GRHL3: variants seen among roughly 807,000 people sequenced by gnomAD.
GRHL3 encodes the protein grainyhead-like protein 3 homolog.
In GRHL3, 20 loss-of-function variants were observed where a neutral mutation model predicts 70.3. The ratio of observed to expected loss-of-function variants is 0.28; its 90% CI spans 0.20 to 0.41. GRHL3 has a LOEUF of 0.41. Ranked by LOEUF, GRHL3 falls within the 10% of genes least tolerant of loss-of-function variation. GRHL3 has a pLI of 1.00. For synonymous variants in GRHL3, 299 were observed against 299.9 expected, an observed-to-expected ratio of 1.00 and a Z score of 0.03; for missense variants, 637 against 762.3, an observed-to-expected ratio of 0.84 and a Z score of 1.94.
chr1:24,325,126 A>G (rs1372904648), intron 1 of GRHL3, among the ~76,000 whole-genome samples: 1 of 152,204 alleles, frequency 6.6e-6, no homozygotes, highest in Non-Finnish European at 1.5e-5. Flanking sequence ...TGGGTGGCTC[A>G]TGGCAGGATT....
At chr1:24,351,710 C>G (rs920030359) in intron 15 of GRHL3, among the ~76,000 whole-genome samples, 1 of 152,126 alleles carries the variant, frequency 6.6e-6, no homozygotes, top group African/African-American at 2.4e-5. Flanking sequence ...TTCCCCAGCC[C>G]CACTGGCTGA....
chr1:24,339,826 G>A (rs1639970786), intron 8 of GRHL3, 64 bp downstream of exon 8: 1 of 1,080,640 alleles, frequency 9.3e-7, no homozygotes, highest in African/African-American at 1.6e-5. Flanking sequence ...TTCTGGGGTA[G>A]AGGCTTTCTT....
At chr1:24,331,837 C>T (rs1639627844) in intron 2 of GRHL3, among the ~76,000 whole-genome samples, 1 of 152,210 alleles carries the variant, frequency 6.6e-6, no homozygotes, top group Non-Finnish European at 1.5e-5. Context: ...GGAGAGGAGG[C>T]TTTCTTGTCT....
chr1:24,356,197 C>T (rs776732344), downstream of GRHL3, among the ~76,000 whole-genome samples: 6 of 151,090 alleles, frequency 4.0e-5, no homozygotes, highest in Non-Finnish European at 8.9e-5. Flanking sequence ...CTGCACCTGG[C>T]CAGTTTTTGT....
At chr1:24,324,906 G>A (rs531457938) in intron 1 of GRHL3, among the ~76,000 whole-genome samples, 6 of 152,226 alleles carry the variant, frequency 3.9e-5, no homozygotes, top group African/African-American at 1.4e-4. Context: ...CCCCAAATGA[G>A]CCCCCAGCCC....
intron 14 of GRHL3, among the ~76,000 whole-genome samples, chr1:24,348,257 G>A (rs997559430): frequency 6.6e-6 from 1 of 152,184 alleles, no homozygotes; most frequent in African/African-American, 2.4e-5. Flanking sequence ...CAGACATGCC[G>A]CCTGCACTGG....
rs759937117 is a variant in GRHL3 at position 24,331,524 on chromosome 1, C to T, written c.116C>T (p.Pro39Leu). 10 of 1,614,030 alleles carry T rather than the reference C, an allele frequency of 6.2e-6. No individual in the cohort carries two copies. Among genetic ancestry groups the T allele is most frequent in the East Asian group, 2.2e-5 (1 of 44,896 alleles). ...DEAWKTYLEN[P>L]LTAATKAMMR... The stretch of plus-strand genomic sequence containing the variant: ...GCCTGGAAGACGTACCTAGAAAACC[C>T]GTTGACAGCTGCCACAAAGGCCATG... The change falls in exon 2 of 16, where the codon CCG becomes CTG. Residue 39 changes from proline (P) to leucine (L), a missense_variant. This residue lies in a region of GRHL3 where 250 missense variants were observed against 248.6 expected (regional missense o/e 1.01). Transcript: ENST00000361548.
intron 11 of GRHL3, among the ~76,000 whole-genome samples, chr1:24,343,594 G>C (rs1448076045): frequency 6.6e-6 from 1 of 152,132 alleles, no homozygotes; most frequent in Non-Finnish European, 1.5e-5. Context: ...AAGCAGCCGG[G>C]ACTGAGCGCC....
intron 7 of GRHL3, among the ~76,000 whole-genome samples, chr1:24,339,158 C>T (rs568675743): frequency 9.1e-4 from 138 of 152,326 alleles, no homozygotes; most frequent in Middle Eastern, 3.4e-3. Context: ...ATCTGCTTCT[C>T]AGGCTGGACC....
intron 15 of GRHL3, among the ~76,000 whole-genome samples, chr1:24,362,962 T>C (rs1641219079): frequency 6.6e-6 from 1 of 152,212 alleles, no homozygotes; most frequent in Admixed American, 6.5e-5. Context: ...CTTCTCCTTG[T>C]TCTGGCTTGT....
chr1:24,350,784 G>A (rs1489424493), intron 15 of GRHL3, among the ~76,000 whole-genome samples: 1 of 152,234 alleles, frequency 6.6e-6, no homozygotes, highest in Non-Finnish European at 1.5e-5. Context: ...AGACAGACTA[G>A]GCCAGGAATA....
At chr1:24,319,595 C>T (rs750123875) in intron 1 of GRHL3, 27 bp downstream of exon 1, 5 of 1,613,544 alleles carry the variant, frequency 3.1e-6, no homozygotes, top group South Asian at 1.1e-5. Flanking sequence ...GGATACCTGC[C>T]GCTCTCAGAG....
rs1340331690 is a variant in GRHL3 at position 24,323,158 on chromosome 1, C to T, written c.17+3590C>T. 59 of 1,264,906 alleles carry T rather than the reference C, an allele frequency of 4.7e-5. 3 individuals are homozygous for T. The East Asian group carries it at 1.4e-3, about 31-fold the overall frequency. 78.4% of individuals were successfully genotyped at this position (1,264,906 alleles called of 1,614,324 possible). On this transcript the variant is annotated intron_variant, in intron 1 of 15. Transcript: ENST00000361548. ...TATATATTTGTTGTATTTTACAAAC[C>T]TATGTTACCTTTGGAGTCGTTAAGG...
At chr1:24,331,287 C>A in intron 1 of GRHL3, 139 bp from the exon 2 acceptor site, 1 of 722,062 alleles carries the variant, frequency 1.4e-6, no homozygotes, top group Non-Finnish European at 2.3e-6. Flanking sequence ...CTGCCCCACA[C>A]TGCCTAATGG....
intron 15 of GRHL3, among the ~76,000 whole-genome samples, chr1:24,353,798 T>G (rs1335677812): frequency 6.6e-6 from 1 of 152,150 alleles, no homozygotes; most frequent in African/African-American, 2.4e-5. Flanking sequence ...CTCTCTCAGG[T>G]TGACCCAGGT....
intron 14 of GRHL3, among the ~76,000 whole-genome samples, chr1:24,348,209 A>G: frequency 6.6e-6 from 1 of 152,172 alleles, no homozygotes; most frequent in East Asian, 1.9e-4. Flanking sequence ...ACGCTAGCTG[A>G]CCTTTGTTGA....
chr1:24,325,511 T>C (rs1639356810), intron 1 of GRHL3, among the ~76,000 whole-genome samples: 1 of 152,120 alleles, frequency 6.6e-6, no homozygotes, highest in Admixed American at 6.6e-5. Flanking sequence ...ATTTCCTTGG[T>C]CTTATTGGGG....
intron 8 of GRHL3, 41 bp downstream of exon 8, chr1:24,339,803 C>G: frequency 7.6e-7 from 1 of 1,317,786 alleles, no homozygotes; most frequent in African/African-American, 1.5e-5. Context: ...ACTGGGCTGC[C>G]TGGAAGTCCC....
At chr1:24,350,597 A>G (rs1341241869) in intron 15 of GRHL3, among the ~76,000 whole-genome samples, 1 of 152,248 alleles carries the variant, frequency 6.6e-6, no homozygotes, top group Non-Finnish European at 1.5e-5. Context: ...AGCAGTGTTC[A>G]GGGGCAGGAG....
Sources: gnomAD v4.1 joint callset for allele counts (sites outside exome capture counted in the v4.1 genomes callset) on GRCh38, gnomAD v4.1.1 for gene constraint, gnomAD v4.1.1 regional missense constraint, MANE v1.5 for transcripts, NCBI Gene and HGNC (gene_info 2026-07-23, HGNC 2026-07-21) for gene names.